QKI: variants seen among roughly 807,000 people sequenced by gnomAD.
The protein encoded by QKI is QKI, KH domain containing RNA binding.
QKI carries 10 observed loss-of-function variants against 39.0 expected under a neutral mutation model. The observed-to-expected ratio is 0.26, with a 90% CI of 0.16 to 0.43. The LOEUF (loss-of-function observed/expected upper bound fraction) is 0.43. QKI is among the 20% of genes least tolerant of loss of function. The pLI, the probability that QKI is intolerant of heterozygous loss-of-function variation, is 1.00. For synonymous variants in QKI, 204 were observed against 155.4 expected (o/e 1.31, Z -2.33); for missense variants, 218 against 428.0 (o/e 0.51, Z 4.33).
chr6:163,421,439 C>A (rs192347494), intron 1 of QKI, among the ~76,000 whole-genome samples: 1 of 152,144 alleles, frequency 6.6e-6, no homozygotes, highest in Non-Finnish European at 1.5e-5. Flanking sequence ...AACTCCCCAC[C>A]CCGTTAGTTA....
In QKI at chr6:163,452,694, CTTA is replaced by C. The variant is rs1327363593; in HGVS notation, c.143-2583_143-2581del. Among the ~76,000 whole-genome samples, 11 of 152,154 alleles carry C rather than the reference CTTA, an allele frequency of 7.2e-5. 1 individual carries two copies. Among genetic ancestry groups the C allele is most frequent in the African/African-American group, 2.4e-4 (10 of 41,518 alleles). ...CTTGTATCATCTAACCAGATAGATGCTTATATATGAGGACTGTTTGTTTTATAC... is the reference window on the plus strand; with the variant it reads ...CTTGTATCATCTAACCAGATAGATGCTATATGAGGACTGTTTGTTTTATAC... On this transcript the variant is annotated intron_variant, in intron 1 of 7. Transcript: ENST00000361752.
Position 163,508,921 on chromosome 6 carries a change from C to T in QKI, c.403-26061C>T, listed in dbSNP as rs1237009886. On this transcript the variant is annotated intron_variant, in intron 3 of 7. Transcript: ENST00000361752. ...TGGGAGGCTGAGGTGGGTGAGTCAC[C>T]TGAGGTCAGGAGTTCGAGACCAGCC... 4.6e-5 allele frequency among the ~76,000 whole-genome samples: 7 copies of T among 151,226 alleles called. No individual in the cohort carries two copies. The East Asian group carries it at 1.2e-3, about 27-fold the overall frequency.
chr6:163,415,689 C>CT (rs1250063206), intron 1 of QKI, among the ~76,000 whole-genome samples: 4 of 151,790 alleles, frequency 2.6e-5, no homozygotes, highest in Admixed American at 2.6e-4. Flanking sequence ...TGGTCCTCGC[C>CT]GAGCCCTCCC....
In QKI at chr6:163,414,908, CGCCTCCCGCCCGCCCGCCG is replaced by C. The variant is rs1306561927; in HGVS notation, c.-280_-262del. 3 of 147,580 alleles carry C rather than the reference CGCCTCCCGCCCGCCCGCCG, an allele frequency of 2.0e-5. No homozygotes were observed. Among genetic ancestry groups the C allele is most frequent in the Non-Finnish European group, 4.5e-5 (3 of 67,290 alleles). The allele number at this position is 147,580 out of a possible 1,614,324, so 9.1% of individuals were successfully genotyped here. A position where few individuals can be genotyped will look rare whatever the true frequency, so the allele number is the denominator to read the frequency against. ...CGCCCGCACTCGGCCAGCCGAGACC[CGCCTCCCGCCCGCCCGCCG>C]GCCTCGTGAGGGACGCGCCGAGCCG... On this transcript the variant is annotated 5_prime_UTR_variant, in exon 1 of 8. Transcript: ENST00000361752.
chr6:163,515,217 A>G (rs527584014), intron 3 of QKI, among the ~76,000 whole-genome samples: 1 of 152,186 alleles, frequency 6.6e-6, no homozygotes, highest in Non-Finnish European at 1.5e-5. Flanking sequence ...CCTCAATGTT[A>G]TCAAAGCTAT....
At chr6:163,469,973 A>T (rs1792061636) in intron 2 of QKI, among the ~76,000 whole-genome samples, 1 of 152,202 alleles carries the variant, frequency 6.6e-6, no homozygotes, top group African/African-American at 2.4e-5. Context: ...GTGTTTGTTA[A>T]GGACTGACAA....
chr6:163,504,269 T>C (rs1212154084), intron 3 of QKI, among the ~76,000 whole-genome samples: 1 of 152,168 alleles, frequency 6.6e-6, no homozygotes, highest in Non-Finnish European at 1.5e-5. Flanking sequence ...AGCCTTGTAT[T>C]ATAGTTTGAA....
At chr6:163,545,353 A>G (rs1410157378) in intron 4 of QKI, among the ~76,000 whole-genome samples, 2 of 152,148 alleles carry the variant, frequency 1.3e-5, no homozygotes, top group Non-Finnish European at 2.9e-5. Flanking sequence ...AATTTTCACA[A>G]ATAATTAAAA....
At chr6:163,514,679 T>TTA (rs1292435511) in intron 3 of QKI, among the ~76,000 whole-genome samples, 2 of 152,134 alleles carry the variant, frequency 1.3e-5, no homozygotes, top group African/African-American at 4.8e-5. Context: ...TGGAGAGAAA[T>TTA]TTACATGAGA....
At chr6:163,416,054 T>TGGGGGGGG (rs4055815) in intron 1 of QKI, 1 of 96,150 alleles carries the variant, frequency 1.0e-5, no homozygotes, top group Non-Finnish European at 2.0e-5. Flanking sequence ...TTTTCGGGGG[T>TGGGGGGGG]GGGGGGGGGG....
At chr6:163,503,047 T>C (rs973718794) in intron 3 of QKI, among the ~76,000 whole-genome samples, 1 of 152,112 alleles carries the variant, frequency 6.6e-6, no homozygotes, top group Admixed American at 6.5e-5. Context: ...CATTCTGACT[T>C]GTGTGAGATG....
intron 1 of QKI, among the ~76,000 whole-genome samples, chr6:163,448,754 A>G (rs1334125037): frequency 6.6e-6 from 1 of 151,900 alleles, no homozygotes; most frequent in Non-Finnish European, 1.5e-5. Flanking sequence ...AAATAAGTAA[A>G]TAAATAATAC....
intron 2 of QKI, among the ~76,000 whole-genome samples, chr6:163,467,720 G>A (rs1323857497): frequency 6.6e-6 from 1 of 152,164 alleles, no homozygotes; most frequent in Non-Finnish European, 1.5e-5. Context: ...GAATTAATAT[G>A]AAGGTAACAA....
intron 3 of QKI, among the ~76,000 whole-genome samples, chr6:163,511,896 A>T (rs1204196003): frequency 1.3e-5 from 2 of 152,122 alleles, no homozygotes; most frequent in African/African-American, 4.8e-5. Flanking sequence ...CAACAAAGAT[A>T]ACAGCAAAAC....
intron 3 of QKI, among the ~76,000 whole-genome samples, chr6:163,505,657 A>T (rs530786410): frequency 6.6e-6 from 1 of 152,088 alleles, no homozygotes; most frequent in African/African-American, 2.4e-5. Context: ...CATTTACCCA[A>T]TGCCTGTACA....
At chr6:163,559,517 CTG>C (rs1377886711) in intron 4 of QKI, among the ~76,000 whole-genome samples, 1 of 152,064 alleles carries the variant, frequency 6.6e-6, no homozygotes, top group Non-Finnish European at 1.5e-5. Context: ...CAAATAATTT[CTG>C]TGTCTTTCTA....
intron 4 of QKI, among the ~76,000 whole-genome samples, chr6:163,541,497 C>CT (rs1445563280): frequency 3.0e-5 from 2 of 66,890 alleles, no homozygotes; most frequent in South Asian, 6.1e-4. Flanking sequence ...CTATGTCTAC[C>CT]CTTTTTTTTT....
At chr6:163,508,657 G>GTA (rs568889719) in intron 3 of QKI, among the ~76,000 whole-genome samples, 1 of 151,062 alleles carries the variant, frequency 6.6e-6, no homozygotes, top group Non-Finnish European at 1.5e-5. Context: ...AGCCTCCCAA[G>GTA]TAGCTGGGAT....
intron 3 of QKI, among the ~76,000 whole-genome samples, chr6:163,492,917 C>T (rs1256595201): frequency 6.6e-6 from 1 of 152,034 alleles, no homozygotes; most frequent in African/African-American, 2.4e-5. Context: ...AATACTGAAC[C>T]TCATCTTTTA....
Sources: gnomAD v4.1 joint callset for allele counts (sites outside exome capture counted in the v4.1 genomes callset) on GRCh38, gnomAD v4.1.1 for gene constraint, MANE v1.5 for transcripts, NCBI Gene and HGNC (gene_info 2026-07-23, HGNC 2026-07-21) for gene names.